The following RGS17 variants were observed in gnomAD, a reference collection of about 807,000 sequenced individuals.
The protein encoded by RGS17 is regulator of G protein signaling 17, also known as regulator of G-protein signaling 17.
RGS17 carries 12 observed loss-of-function variants against 25.5 expected under a neutral mutation model. The observed-to-expected ratio is 0.47, with a 90% CI of 0.30 to 0.76. RGS17 has a LOEUF of 0.76. Among genes scored for constraint, RGS17 ranks in the 30% least tolerant of loss-of-function variants. RGS17 has a pLI of 0.07. For missense variants in RGS17, 196 were observed against 242.2 expected, an observed-to-expected ratio of 0.81 and a Z score of 1.27; for synonymous variants, 71 against 76.9, an observed-to-expected ratio of 0.92 and a Z score of 0.40.
intron 1 of RGS17, among the ~76,000 whole-genome samples, chr6:153,124,227 A>C (rs1777675163): frequency 6.6e-6 from 1 of 152,210 alleles, no homozygotes; most frequent in South Asian, 2.1e-4. Context: ...TAACTTGAAG[A>C]AGCTTATATG....
At chr6:153,059,479 AAG>A (rs1776607394) in intron 1 of RGS17, among the ~76,000 whole-genome samples, 1 of 152,204 alleles carries the variant, frequency 6.6e-6, no homozygotes, top group South Asian at 2.1e-4. Flanking sequence ...GCTCTGGAGT[AAG>A]AGAGATCTGG....
chr6:153,101,100 G>A (rs1777295917), intron 1 of RGS17, among the ~76,000 whole-genome samples: 1 of 152,098 alleles, frequency 6.6e-6, no homozygotes, highest in African/African-American at 2.4e-5. Context: ...AATGAAATCT[G>A]AGTTTTGAAA....
rs1239043478 is a variant in RGS17, at chr6:153,009,503, T to C, written c.*2071A>G. On this transcript the variant is annotated 3_prime_UTR_variant, in exon 5 of 5. Transcript: ENST00000206262. ...TTTTTCTTTACTCTTTAGGAAAAAA[T>C]ATGACTTTTTGTAAACATCTTCATA... 1 of 152,004 alleles carries C rather than the reference T, an allele frequency of 6.6e-6. No individual in the cohort carries two copies. Among genetic ancestry groups the C allele is most frequent in the African/African-American group, 2.4e-5 (1 of 41,432 alleles). 9.4% of individuals were successfully genotyped at this position (152,004 alleles called of 1,614,324 possible). A position where few individuals can be genotyped will look rare whatever the true frequency, so the allele number is the denominator to read the frequency against.
rs372033593 is a variant in RGS17, at chr6:153,014,956, A to G, written c.445-3194T>C. 2.8e-4 allele frequency among the ~76,000 whole-genome samples: 42 copies of G among 152,356 alleles called. No individual in the cohort carries two copies. The East Asian group carries it at 3.3e-3, about 12-fold the overall frequency. On this transcript the variant is annotated intron_variant, in intron 4 of 4. Transcript: ENST00000206262. ...TTCATCGAAGGAGGTCAAAATATCA[A>G]CATTAACAGGAATTTAGAAAAAGTT...
intron 2 of RGS17, among the ~76,000 whole-genome samples, chr6:153,038,930 T>C (rs897800246): frequency 1.3e-5 from 2 of 152,190 alleles, no homozygotes; most frequent in African/African-American, 4.8e-5. Context: ...ATCCATCCCA[T>C]GGTCTGGAAA....
At chr6:153,015,740 G>C (rs1328667312) in intron 4 of RGS17, among the ~76,000 whole-genome samples, 1 of 151,162 alleles carries the variant, frequency 6.6e-6, no homozygotes. Context: ...TGCAAGCTCC[G>C]CCTCCCGGGT....
chr6:153,054,628 G>A (rs2129112982), intron 1 of RGS17, among the ~76,000 whole-genome samples: 1 of 150,190 alleles, frequency 6.7e-6, no homozygotes, highest in Non-Finnish European at 1.5e-5. Flanking sequence ...TCCAGCCTGG[G>A]CAACAGTGCA....
chr6:153,112,568 G>C (rs1207577415), intron 1 of RGS17, among the ~76,000 whole-genome samples: 2 of 152,064 alleles, frequency 1.3e-5, no homozygotes, highest in Non-Finnish European at 2.9e-5. Flanking sequence ...AGGAAATACA[G>C]AGAACACCAC....
chr6:153,029,950 A>T (rs1175162976), intron 2 of RGS17, among the ~76,000 whole-genome samples: 1 of 152,220 alleles, frequency 6.6e-6, no homozygotes, highest in Non-Finnish European at 1.5e-5. Context: ...TTTAAAACTA[A>T]CATTTCTACT....
At chr6:153,057,419 T>C (rs1776575941) in intron 1 of RGS17, among the ~76,000 whole-genome samples, 1 of 152,102 alleles carries the variant, frequency 6.6e-6, no homozygotes, top group Admixed American at 6.6e-5. Context: ...CAGTCTCTCG[T>C]ATCACCACTC....
chr6:153,107,162 A>T (rs9383650), intron 1 of RGS17, among the ~76,000 whole-genome samples: 2 of 151,084 alleles, frequency 1.3e-5, no homozygotes, highest in East Asian at 2.0e-4. Flanking sequence ...GTGAAACCCC[A>T]TCTCTACTCA....
At chr6:153,032,011 C>T (rs1779368743) in intron 2 of RGS17, among the ~76,000 whole-genome samples, 1 of 152,138 alleles carries the variant, frequency 6.6e-6, no homozygotes, top group Admixed American at 6.5e-5. Context: ...GGAAGTATGA[C>T]TTTCTTCCAT....
chr6:153,027,765 TTC>T (rs1779318336), intron 2 of RGS17, among the ~76,000 whole-genome samples: 1 of 152,114 alleles, frequency 6.6e-6, no homozygotes, highest in African/African-American at 2.4e-5. Context: ...AACCCTGTAT[TTC>T]TGAGTGCCTG....
At chr6:153,043,594 G>A (rs1776348586) in intron 2 of RGS17, among the ~76,000 whole-genome samples, 1 of 151,566 alleles carries the variant, frequency 6.6e-6, no homozygotes, top group African/African-American at 2.4e-5. Context: ...AAATACAAAT[G>A]TAACTAAAAT....
intron 1 of RGS17, among the ~76,000 whole-genome samples, chr6:153,104,134 AG>A (rs1171568974): frequency 6.6e-6 from 1 of 152,248 alleles, no homozygotes; most frequent in African/African-American, 2.4e-5. Flanking sequence ...ATAGCTAATA[AG>A]GGGTAGAGAC....
At chr6:153,019,509 C>T (rs1779217672) in intron 4 of RGS17, among the ~76,000 whole-genome samples, 1 of 152,104 alleles carries the variant, frequency 6.6e-6, no homozygotes, top group Non-Finnish European at 1.5e-5. Flanking sequence ...GAGATGGGGT[C>T]TGGTGGGAGA....
chr6:153,022,833 C>T (rs1437939221), intron 4 of RGS17, among the ~76,000 whole-genome samples: 1 of 151,998 alleles, frequency 6.6e-6, no homozygotes, highest in African/African-American at 2.4e-5. Flanking sequence ...AGAATTATAC[C>T]GGTGTTAGAA....
chr6:153,045,843 C>T (rs1446832212), intron 1 of RGS17, among the ~76,000 whole-genome samples: 1 of 152,154 alleles, frequency 6.6e-6, no homozygotes, highest in East Asian at 1.9e-4. Flanking sequence ...TAAAACTTAT[C>T]TGACTTCCCC....
chr6:153,063,157 A>G (rs1007756305), intron 1 of RGS17, among the ~76,000 whole-genome samples: 2 of 152,194 alleles, frequency 1.3e-5, no homozygotes, highest in African/African-American at 4.8e-5. Context: ...TAATGCCCAG[A>G]CACAGACAAA....
Sources: allele counts gnomAD v4.1 joint callset (sites outside exome capture counted in the v4.1 genomes callset), GRCh38; gene constraint gnomAD v4.1.1; transcripts MANE v1.5; gene names NCBI Gene and HGNC (gene_info 2026-07-23, HGNC 2026-07-21).